TMEM108: variants seen among roughly 807,000 people sequenced by gnomAD.
TMEM108 encodes transmembrane protein 108, also known as cancer/testis antigen 124.
A neutral mutation model predicts 35.1 loss-of-function variants in TMEM108; 12 were observed. The ratio of observed to expected loss-of-function variants is 0.34; its 90% CI spans 0.22 to 0.55. TMEM108 has a LOEUF of 0.55. Among genes scored for constraint, TMEM108 ranks in the 20% least tolerant of loss-of-function variants. TMEM108 has a pLI of 0.89. For synonymous variants in TMEM108, 287 were observed against 308.6 expected, an observed-to-expected ratio of 0.93 and a Z score of 0.73; for missense variants, 680 against 753.3, an observed-to-expected ratio of 0.90 and a Z score of 1.14.
At chr3:133,228,396 T>C (rs1420517905) in intron 2 of TMEM108, among the ~76,000 whole-genome samples, 2 of 152,196 alleles carry the variant, frequency 1.3e-5, no homozygotes, top group African/African-American at 4.8e-5. Context: ...ATTTCTTCCT[T>C]GGGTAGAGTG....
At chr3:133,072,881 C>T (rs978713221) in intron 2 of TMEM108, among the ~76,000 whole-genome samples, 2 of 152,110 alleles carry the variant, frequency 1.3e-5, no homozygotes, top group Non-Finnish European at 2.9e-5. Flanking sequence ...TTATTCTGGA[C>T]AATTCCTATA....
rs374687172 is a variant in TMEM108 at position 133,171,315 on chromosome 3, A to G, written c.-46-57951A>G. 3.7e-4 allele frequency among the ~76,000 whole-genome samples: 56 copies of G among 152,344 alleles called. No individual in the cohort carries two copies. The South Asian group carries it at 5.0e-3, about 14-fold the overall frequency. ...AATATAAACAAGTTTTATTGCTAGT[A>G]TATAATTTTAAAATTATATTTTTAT... is the stretch of plus-strand genomic sequence containing the variant. On this transcript the variant is annotated intron_variant, in intron 2 of 5. Transcript: ENST00000321871.
chr3:133,305,257 C>T lies in TMEM108; in HGVS notation c.41-74495C>T, dbSNP rs550481642. Among the ~76,000 whole-genome samples the T allele has an allele frequency of 4.2e-4, 63 of 150,506 alleles. 1 individual carries two copies. Among genetic ancestry groups the T allele is most frequent in the Admixed American group, 2.3e-3 (35 of 15,066 alleles). ...GAAATCATCATTCTCAGTAAACTAT[C>T]GCAAGAACAAAAAACCAAACACCAC... On this transcript the variant is annotated intron_variant, in intron 3 of 5. Coordinates refer to ENST00000321871, the MANE Select transcript of TMEM108 (RefSeq NM_023943.4).
chr3:133,098,912 G>A (rs1944051309), intron 2 of TMEM108, among the ~76,000 whole-genome samples: 1 of 152,192 alleles, frequency 6.6e-6, no homozygotes, highest in Admixed American at 6.5e-5. Context: ...CAAGCTGTCA[G>A]TGGATCTACC....
At chr3:133,386,669 A>C in intron 4 of TMEM108, 1 of 1,402,872 alleles carries the variant, frequency 7.1e-7, no homozygotes, top group Non-Finnish European at 9.2e-7. Context: ...GAAACAGAGC[A>C]GTTGAAGCTT....
chr3:133,190,488 A>G (rs1295017348), intron 2 of TMEM108, among the ~76,000 whole-genome samples: 1 of 152,232 alleles, frequency 6.6e-6, no homozygotes, highest in South Asian at 2.1e-4. Context: ...AATTAAATTA[A>G]TCTATATTGA....
chr3:133,257,915 G>A (rs1332896715), intron 3 of TMEM108, among the ~76,000 whole-genome samples: 1 of 152,162 alleles, frequency 6.6e-6, no homozygotes, highest in Admixed American at 6.5e-5. Flanking sequence ...TTTGCTAAAG[G>A]AGGGGTTGCT....
intron 2 of TMEM108, among the ~76,000 whole-genome samples, chr3:133,105,514 T>G (rs13094054): frequency 0.096 from 14,579 of 152,256 alleles, 890 homozygotes; most frequent in Admixed American, 0.17. Flanking sequence ...TTTCCCTGTC[T>G]TAAAGTCAGC....
At chr3:133,053,298 A>T (rs1393919091) in intron 2 of TMEM108, among the ~76,000 whole-genome samples, 2 of 152,200 alleles carry the variant, frequency 1.3e-5, no homozygotes, top group Non-Finnish European at 2.9e-5. Flanking sequence ...CATGACAGTG[A>T]TCTACTGAGG....
chr3:133,275,508 T>C (rs1946826784), intron 3 of TMEM108, among the ~76,000 whole-genome samples: 1 of 152,246 alleles, frequency 6.6e-6, no homozygotes, highest in South Asian at 2.1e-4. Flanking sequence ...TGGCCACATG[T>C]GGCTGATGGC....
chr3:133,196,895 G>A (rs1469029295), intron 2 of TMEM108, among the ~76,000 whole-genome samples: 7 of 152,180 alleles, frequency 4.6e-5, no homozygotes, highest in Non-Finnish European at 1.0e-4. Flanking sequence ...TAGACTTCTC[G>A]TTTCTCGTTA....
chr3:133,108,767 C>T (rs1469129958), intron 2 of TMEM108, among the ~76,000 whole-genome samples: 3 of 147,800 alleles, frequency 2.0e-5, no homozygotes, highest in African/African-American at 5.0e-5. Flanking sequence ...TGTTCTCACT[C>T]ATAGGTGGGA....
At chr3:133,125,876 A>G (rs1316178850) in intron 2 of TMEM108, among the ~76,000 whole-genome samples, 1 of 152,176 alleles carries the variant, frequency 6.6e-6, no homozygotes, top group Non-Finnish European at 1.5e-5. Flanking sequence ...GGGATGTGAT[A>G]TTTAGTCTCA....
At chr3:133,212,612 A>T (rs188378580) in intron 2 of TMEM108, among the ~76,000 whole-genome samples, 65 of 152,278 alleles carry the variant, frequency 4.3e-4, no homozygotes, top group Middle Eastern at 3.4e-3. Flanking sequence ...CATGCCTGTA[A>T]TCCCAGTACT....
intron 3 of TMEM108, among the ~76,000 whole-genome samples, chr3:133,364,979 C>T (rs1014216451): frequency 1.1e-4 from 17 of 152,176 alleles, no homozygotes; most frequent in Middle Eastern, 3.2e-3. Context: ...CATAGTCTTC[C>T]CAAATTGAAG....
At chr3:133,056,257 A>AGG (rs1379216159) in intron 2 of TMEM108, among the ~76,000 whole-genome samples, 1 of 152,068 alleles carries the variant, frequency 6.6e-6, no homozygotes, top group African/African-American at 2.4e-5. Context: ...AACATCTTTT[A>AGG]CCCAAACTGG....
intron 3 of TMEM108, among the ~76,000 whole-genome samples, chr3:133,304,146 A>C (rs13321168): frequency 6.6e-6 from 1 of 152,230 alleles, no homozygotes; most frequent in Non-Finnish European, 1.5e-5. Context: ...CATAATACCT[A>C]GTACATAAAA....
intron 3 of TMEM108, among the ~76,000 whole-genome samples, chr3:133,348,600 A>C (rs2107763479): frequency 6.6e-6 from 1 of 152,254 alleles, no homozygotes; most frequent in South Asian, 2.1e-4. Context: ...AGCTGTCCCA[A>C]ATTGAGACAA....
chr3:133,057,372 A>G (rs557645617), intron 2 of TMEM108, among the ~76,000 whole-genome samples: 1 of 114,664 alleles, frequency 8.7e-6, no homozygotes, highest in South Asian at 2.8e-4. Context: ...AACAATGCTT[A>G]TATTTTTCTA....
Sources: allele counts gnomAD v4.1 joint callset (sites outside exome capture counted in the v4.1 genomes callset), GRCh38; gene constraint gnomAD v4.1.1; transcripts MANE v1.5; gene names NCBI Gene and HGNC (gene_info 2026-07-23, HGNC 2026-07-21).